SRSF12: variants seen among roughly 807,000 people sequenced by gnomAD.
SRSF12 encodes serine/arginine-rich splicing factor 12.
Under a neutral mutation model 34.1 loss-of-function variants are expected in SRSF12, and 21 were observed. The ratio of observed to expected loss-of-function variants is 0.62; its 90% confidence interval spans 0.44 to 0.89. The LOEUF (loss-of-function observed/expected upper bound fraction) is 0.89. Among genes scored for constraint, SRSF12 ranks in the 40% least tolerant of loss-of-function variants. SRSF12 has a pLI of 0.00. For synonymous variants in SRSF12, 111 were observed against 110.8 expected (o/e 1.00, Z -0.01); for missense variants, 278 against 327.8 (o/e 0.85, Z 1.17).
intron 1 of SRSF12, among the ~76,000 whole-genome samples, chr6:89,117,359 T>C (rs1032402248): frequency 3.3e-5 from 5 of 152,312 alleles, no homozygotes; most frequent in Admixed American, 2.6e-4. Flanking sequence ...GAGTACGCAT[T>C]ATGGTACAAA....
At chr6:89,099,814 C>T (rs1397669491) in intron 4 of SRSF12, among the ~76,000 whole-genome samples, 5 of 152,112 alleles carry the variant, frequency 3.3e-5, no homozygotes, top group Non-Finnish European at 7.4e-5. Context: ...GGATTACAGG[C>T]GTGAGCTACC....
At position 89,117,854 on chromosome 6, in the gene SRSF12, G is replaced by C. The variant is rs753711746; in HGVS notation, c.34C>G (p.Leu12Val). 6.4e-7 allele frequency: 1 copy of C among 1,562,004 alleles called. No individual in the cohort carries two copies. The highest frequency in any genetic ancestry group is 8.6e-7 in the Non-Finnish European group (1 of 1,156,340). Residue 12 changes from leucine (L) to valine (V), a missense_variant, in exon 1 of 5, where the codon CTG becomes GTG. Physicochemically the swap from Leu to Val is conservative, Grantham distance 32. Coordinates refer to ENST00000452027, the MANE Select transcript of SRSF12 (RefSeq NM_080743.5). ...GCGTCCGCGACGTTCCTGATGAACA[G>C]GGAGGTGTTGGGGGGCCTCGTGTAG... ...SRYTRPPNTSLFIRNVADATR... is the reference protein window; with the variant it reads ...SRYTRPPNTSVFIRNVADATR...
At chr6:89,117,257 T>C (rs1406854234) in intron 1 of SRSF12, among the ~76,000 whole-genome samples, 2 of 152,210 alleles carry the variant, frequency 1.3e-5, no homozygotes, top group Admixed American at 6.5e-5. Context: ...ATTGAAGTTA[T>C]TTTTTGTATG....
Position 89,098,808 on chromosome 6 carries a change from G to A in SRSF12, c.556C>T (p.Gln186Ter). 1 of 1,613,914 alleles carries A rather than the reference G, an allele frequency of 6.2e-7. No homozygotes were observed. Reference sequence around the variant, plus strand: ...TTTCCTATTGACTTGGACCTCTTTTGTAAGGACTTGGACCTTGACCGTCCT... The same window carrying A: ...TTTCCTATTGACTTGGACCTCTTTTATAAGGACTTGGACCTTGACCGTCCT... The part of the protein sequence containing the change: ...SRGRSRSKSL[Q>*]KRSKSIGKSQ... Residue 186 changes from glutamine (Q) to a stop codon, truncating the protein, a stop_gained, in exon 5 of 5, where the codon CAA (glutamine) becomes TAA (stop). Coordinates refer to ENST00000452027, the MANE Select transcript of SRSF12 (RefSeq NM_080743.5). LOFTEE classifies it high-confidence loss of function.
At chr6:89,116,630 C>G (rs1451937965) in intron 1 of SRSF12, among the ~76,000 whole-genome samples, 1 of 151,998 alleles carries the variant, frequency 6.6e-6, no homozygotes, top group Non-Finnish European at 1.5e-5. Context: ...TAAAAATTAG[C>G]CGGGTGTGGT....
chr6:89,106,528 A>G (rs917760238), intron 2 of SRSF12, among the ~76,000 whole-genome samples: 1 of 152,236 alleles, frequency 6.6e-6, no homozygotes, highest in Non-Finnish European at 1.5e-5. Flanking sequence ...TTCCTTATGT[A>G]TATAAATTAT....
At position 89,098,700 on chromosome 6, in the gene SRSF12, T is replaced by C. The variant is rs778685186; in HGVS notation, c.664A>G (p.Arg222Gly). 1.5e-5 allele frequency: 24 copies of C among 1,614,006 alleles called. No homozygotes were observed. Among genetic ancestry groups the C allele is most frequent in the Admixed American group, 3.3e-5 (2 of 60,014 alleles). ...CCTTTGGGAGATTTACACGGGGATC[T>C]TGCTATTGAGTCAGAATGTCTTCCA... is the stretch of plus-strand genomic sequence containing the variant. The part of the protein sequence containing the change: ...SHGRHSDSIA[R>G]SPCKSPKGYT... Residue 222 changes from arginine to glycine, a missense_variant, in exon 5 of 5, where the codon AGA (arginine) becomes GGA (glycine). Coordinates refer to ENST00000452027, the MANE Select transcript of SRSF12 (RefSeq NM_080743.5).
intron 1 of SRSF12, among the ~76,000 whole-genome samples, chr6:89,114,674 T>G (rs144988120): frequency 1.3e-3 from 195 of 152,298 alleles, no homozygotes; most frequent in Admixed American, 2.1e-3. Flanking sequence ...AATCACTCAC[T>G]GGTGAATGAA....
intron 4 of SRSF12, among the ~76,000 whole-genome samples, chr6:89,099,517 C>T (rs73503396): frequency 0.056 from 391 of 6,968 alleles, 6 homozygotes; most frequent in African/African-American, 0.36. Context: ...TATATATATA[C>T]ACACACACAC....
intron 4 of SRSF12, among the ~76,000 whole-genome samples, chr6:89,102,008 A>AG (rs1184842351): frequency 6.6e-6 from 1 of 151,882 alleles, no homozygotes; most frequent in Non-Finnish European, 1.5e-5. Flanking sequence ...GAGCTGAAAG[A>AG]GGAAAAAAAG....
intron 1 of SRSF12, among the ~76,000 whole-genome samples, chr6:89,110,855 C>T (rs1372838722): frequency 2.6e-5 from 4 of 152,098 alleles, no homozygotes; most frequent in Non-Finnish European, 5.9e-5. Context: ...GTGGCTGATA[C>T]CTGCAATACC....
intron 1 of SRSF12, among the ~76,000 whole-genome samples, chr6:89,111,302 T>C (rs926783240): frequency 4.6e-5 from 7 of 152,180 alleles, no homozygotes; most frequent in Admixed American, 4.6e-4. Flanking sequence ...GATGGGGTTT[T>C]GTTATGCTAG....
In SRSF12 at chr6:89,096,001, C is replaced by T. The variant is rs780100906; in HGVS notation, c.*2577G>A. Reference sequence around the variant, plus strand: ...ATTTATTAATAAACAAAGTATCTCTCTTAAATGGGCCAAGAAACAATTCTA... The same window carrying T: ...ATTTATTAATAAACAAAGTATCTCTTTTAAATGGGCCAAGAAACAATTCTA... On this transcript the variant is annotated 3_prime_UTR_variant, in exon 5 of 5. Transcript: ENST00000452027. 6.6e-6 allele frequency: 1 copy of T among 152,174 alleles called. No individual in the cohort carries two copies. Among genetic ancestry groups the T allele is most frequent in the Non-Finnish European group, 1.5e-5 (1 of 68,024 alleles). The allele number at this position is 152,174 out of a possible 1,614,324, so 9.4% of individuals were successfully genotyped here.
chr6:89,115,589 T>G (rs1769252068), intron 1 of SRSF12, among the ~76,000 whole-genome samples: 1 of 149,444 alleles, frequency 6.7e-6, no homozygotes, highest in Admixed American at 6.6e-5. Context: ...GCCTTATATT[T>G]TACAGCTTTC....
rs778295171 is a variant in SRSF12, at chr6:89,098,880, T to G, written c.484A>C (p.Thr162Pro). The change falls in exon 5 of 5, where the codon ACC (threonine) becomes CCC (proline). Residue 162 changes from threonine (T) to proline (P), a missense_variant. Physicochemically the swap from Thr to Pro is conservative, Grantham distance 38. Coordinates refer to ENST00000452027, the MANE Select transcript of SRSF12 (RefSeq NM_080743.5). ...GGAGTTCTTGACTGCCTTGCTGAGG[T>G]AGACCGCCTTGGTAATGATTTGGAA... ...SRSKSLPRRS[T>P]SARQSRTPRR... 1 of 1,613,818 alleles carries G rather than the reference T, an allele frequency of 6.2e-7. No individual in the cohort carries two copies. The highest frequency in any genetic ancestry group is 2.2e-5 in the East Asian group (1 of 44,892).
chr6:89,103,093 G>A (rs184057094), intron 4 of SRSF12, among the ~76,000 whole-genome samples: 1 of 152,118 alleles, frequency 6.6e-6, no homozygotes, highest in African/African-American at 2.4e-5. Flanking sequence ...GAGAAAAACT[G>A]GTGTCAGGGA....
At chr6:89,116,558 T>G (rs942220033) in intron 1 of SRSF12, among the ~76,000 whole-genome samples, 2 of 152,184 alleles carry the variant, frequency 1.3e-5, no homozygotes, top group African/African-American at 4.8e-5. Flanking sequence ...GCGGATCACT[T>G]GAGGTCAGGA....
chr6:89,112,092 C>A (rs752755019), intron 1 of SRSF12, among the ~76,000 whole-genome samples: 1 of 151,246 alleles, frequency 6.6e-6, no homozygotes, highest in Non-Finnish European at 1.5e-5. Context: ...ACTGCAACCT[C>A]CTCCTCCCCG....
intron 2 of SRSF12, 108 bp from the exon 3 acceptor site, chr6:89,105,638 T>C (rs1768748010): frequency 3.9e-6 from 3 of 775,612 alleles, no homozygotes; most frequent in Non-Finnish European, 5.9e-6. Flanking sequence ...GTTCAAGTTA[T>C]TAAGCTCACA....
Sources: gnomAD v4.1 joint callset for allele counts (sites outside exome capture counted in the v4.1 genomes callset) on GRCh38, gnomAD v4.1.1 for gene constraint, MANE v1.5 for transcripts, NCBI Gene and HGNC (gene_info 2026-07-23, HGNC 2026-07-21) for gene names.